The following GPM6A variants were observed in gnomAD, a reference collection of about 807,000 sequenced individuals.
GPM6A encodes the protein glycoprotein M6A.
GPM6A carries 7 observed loss-of-function variants against 32.1 expected under a neutral mutation model. The observed-to-expected ratio is 0.22, with a 90% CI of 0.12 to 0.41. The LOEUF is 0.41. GPM6A is among the 10% of genes least tolerant of loss of function. The probability of loss-of-function intolerance (pLI) is 1.00; values close to 1 mark genes in which losing one functional copy is unlikely to be tolerated. For synonymous variants in GPM6A, 130 were observed against 123.4 expected (o/e 1.05, Z -0.35); for missense variants, 235 against 347.2 (o/e 0.68, Z 2.57).
At chr4:175,722,156 G>A (rs1391771383) in intron 1 of GPM6A, among the ~76,000 whole-genome samples, 1 of 151,994 alleles carries the variant, frequency 6.6e-6, no homozygotes, top group Non-Finnish European at 1.5e-5. Context: ...GTGCGGGGGT[G>A]TGCACTTGTA....
At chr4:175,637,663 AT>A (rs1346367525) in intron 6 of GPM6A, among the ~76,000 whole-genome samples, 2 of 540 alleles carry the variant, frequency 3.7e-3, no homozygotes, top group East Asian at 0.12. Context: ...TATAAAATAT[AT>A]AATATATATA....
chr4:175,903,799 A>T (rs1738040768), intron 1 of GPM6A, among the ~76,000 whole-genome samples: 1 of 152,182 alleles, frequency 6.6e-6, no homozygotes, highest in South Asian at 2.1e-4. Context: ...GAGAACCATG[A>T]TAACAAGTCC....
chr4:175,685,865 C>A (rs1353023574), intron 2 of GPM6A, among the ~76,000 whole-genome samples: 1 of 152,040 alleles, frequency 6.6e-6, no homozygotes, highest in Non-Finnish European at 1.5e-5. Flanking sequence ...TATTGGCAAG[C>A]AGCATTTTTA....
chr4:175,719,383 A>G (rs1746001302), intron 1 of GPM6A, among the ~76,000 whole-genome samples: 4 of 152,108 alleles, frequency 2.6e-5, no homozygotes, highest in Admixed American at 1.3e-4. Context: ...TATTTTTAGT[A>G]GAGACGGGGT....
At chr4:175,980,922 T>C (rs1167591275) in intron 1 of GPM6A, among the ~76,000 whole-genome samples, 3 of 152,194 alleles carry the variant, frequency 2.0e-5, no homozygotes, top group Non-Finnish European at 2.9e-5. Context: ...TGCATAATCG[T>C]TGGCTAAATT....
rs374144968 is a variant in GPM6A at position 175,971,980 on chromosome 4, AC to A, written c.-23+30328del. On this transcript the variant is annotated intron_variant, in intron 1 of 7. Coordinates refer to the GPM6A transcript ENST00000280187. ...TTACTGCTGGGGCATGCAGCTGAGT[AC>A]ATTGTTCTCCGCGGTTGTCTACTTG... 45 of 152,250 alleles carry A rather than the reference AC, an allele frequency of 3.0e-4. 1 individual carries two copies. The highest frequency in any genetic ancestry group is 1.0e-3 in the African/African-American group (43 of 41,564). The allele number at this position is 152,250 out of a possible 1,614,324, so 9.4% of individuals were successfully genotyped here.
intron 1 of GPM6A, among the ~76,000 whole-genome samples, chr4:175,905,989 C>A (rs1287905621): frequency 6.6e-6 from 1 of 152,102 alleles, no homozygotes; most frequent in Non-Finnish European, 1.5e-5. Flanking sequence ...GGGAAGTCAA[C>A]AGAATAACAT....
At chr4:175,927,047 A>G (rs1738863895) in intron 1 of GPM6A, among the ~76,000 whole-genome samples, 1 of 152,212 alleles carries the variant, frequency 6.6e-6, no homozygotes, top group Non-Finnish European at 1.5e-5. Flanking sequence ...GGTTTTTGTT[A>G]TTTTTAATAA....
chr4:175,990,115 G>A (rs1741093638), intron 1 of GPM6A, among the ~76,000 whole-genome samples: 1 of 152,180 alleles, frequency 6.6e-6, no homozygotes, highest in South Asian at 2.1e-4. Flanking sequence ...GTTTGTGCTT[G>A]TTCTTGATGA....
Position 175,673,785 on chromosome 4 carries a change from C to T in GPM6A, c.282G>A (p.Val94=). The T allele has an allele frequency of 5.6e-6, 9 of 1,612,034 alleles. No individual in the cohort carries two copies. Among genetic ancestry groups the T allele is most frequent in the Non-Finnish European group, 7.6e-6 (9 of 1,178,354 alleles). Residue 94 remains valine (V), a synonymous_variant, in exon 3 of 7, where the codon GTG becomes GTA. Transcript: ENST00000393658. The stretch of plus-strand genomic sequence containing the variant: ...CTTCCACCATCAGCAAAATGCCATA[C>T]ACAAAGAACGCAGCTGCGATGCCGT... ...VIYGIAAAFF[V]YGILLMVEGF...
intron 1 of GPM6A, among the ~76,000 whole-genome samples, chr4:175,748,808 T>TA (rs557033809): frequency 1.8e-3 from 269 of 152,308 alleles, no homozygotes; most frequent in Non-Finnish European, 3.0e-3. Context: ...TATAAGGCAA[T>TA]ATAAGGATGT....
chr4:175,635,192 T>C (rs977597625), intron 6 of GPM6A, 135 bp from the exon 7 acceptor site: 13 of 665,754 alleles, frequency 2.0e-5, no homozygotes, highest in African/African-American at 1.7e-4. Context: ...CAAAATTTCT[T>C]TGGTAACAGA....
intron 1 of GPM6A, among the ~76,000 whole-genome samples, chr4:175,852,392 T>C (rs1579567748): frequency 6.9e-6 from 1 of 144,790 alleles, no homozygotes; most frequent in Admixed American, 6.7e-5. Context: ...AGAGACCAAA[T>C]AAAGATTGGC....
chr4:175,791,311 A>G (rs188817695), intron 1 of GPM6A, among the ~76,000 whole-genome samples: 44 of 152,320 alleles, frequency 2.9e-4, no homozygotes, highest in African/African-American at 9.9e-4. Flanking sequence ...TGAAGATATC[A>G]GTTTTAAGAA....
At chr4:175,921,542 G>C (rs1349726000) in intron 1 of GPM6A, among the ~76,000 whole-genome samples, 1 of 151,812 alleles carries the variant, frequency 6.6e-6, no homozygotes, top group Non-Finnish European at 1.5e-5. Context: ...ATATAAATAA[G>C]ATTACATAAT....
intron 1 of GPM6A, among the ~76,000 whole-genome samples, chr4:175,905,128 G>A (rs1171908889): frequency 6.6e-6 from 1 of 152,170 alleles, no homozygotes; most frequent in Non-Finnish European, 1.5e-5. Flanking sequence ...GTGACAAGAT[G>A]AAGGAAAACA....
intron 1 of GPM6A, among the ~76,000 whole-genome samples, chr4:175,711,457 T>C (rs200916737): frequency 0.18 from 4,900 of 27,722 alleles, 244 homozygotes; most frequent in Middle Eastern, 0.31. Flanking sequence ...TATATATATA[T>C]ACACACACAT....
intron 2 of GPM6A, among the ~76,000 whole-genome samples, chr4:175,697,931 G>A (rs1404635222): frequency 6.6e-6 from 1 of 152,122 alleles, no homozygotes; most frequent in East Asian, 1.9e-4. Flanking sequence ...GCTCATTTAT[G>A]GTCAGTATGG....
Position 175,678,190 on chromosome 4 carries a change from G to A in GPM6A, c.231-4354C>T, listed in dbSNP as rs546247052. 5.9e-5 allele frequency among the ~76,000 whole-genome samples: 9 copies of A among 152,228 alleles called. No homozygotes were observed. The South Asian group carries it at 1.9e-3, about 32-fold the overall frequency. On this transcript the variant is annotated intron_variant, in intron 2 of 6. Coordinates refer to ENST00000393658, the MANE Select transcript of GPM6A (RefSeq NM_201591.3). ...CATATGGAACATCTGGAGGAGAACTGTCAATGGCATTGGAGAAAAGAGAAA... is the reference window on the plus strand; with the variant it reads ...CATATGGAACATCTGGAGGAGAACTATCAATGGCATTGGAGAAAAGAGAAA...
Sources: allele counts gnomAD v4.1 joint callset (sites outside exome capture counted in the v4.1 genomes callset), GRCh38; gene constraint gnomAD v4.1.1; transcripts MANE v1.5; gene names NCBI Gene and HGNC (gene_info 2026-07-23, HGNC 2026-07-21).